UTS2B: variants seen among roughly 807,000 people sequenced by gnomAD.
UTS2B encodes urotensin-2B.
A neutral mutation model predicts 19.2 loss-of-function variants in UTS2B; 21 were observed. The ratio of observed to expected loss-of-function variants is 1.09; its 90% CI spans 0.78 to 1.58. The LOEUF (loss-of-function observed/expected upper bound fraction) is 1.58. Ranked by LOEUF, UTS2B falls within the 40% of genes most tolerant of loss-of-function variation. The pLI is 0.00. For missense variants in UTS2B, 138 were observed against 130.3 expected, an observed-to-expected ratio of 1.06 and a Z score of -0.29; for synonymous variants, 57 against 50.2, an observed-to-expected ratio of 1.14 and a Z score of -0.58.
chr3:191,283,455 T>C (rs1716443068), intron 4 of UTS2B, among the ~76,000 whole-genome samples: 1 of 150,898 alleles, frequency 6.6e-6, no homozygotes, highest in African/African-American at 2.5e-5. Context: ...TTTTCTCCTT[T>C]GGACTGCCAC....
intron 2 of UTS2B, 88 bp from the exon 3 acceptor site, chr3:191,316,527 C>T (rs1199869033): frequency 6.6e-6 from 1 of 151,456 alleles, no homozygotes; most frequent in Non-Finnish European, 1.5e-5. Flanking sequence ...GCTTTTATTC[C>T]CTTATCTGAC....
chr3:191,319,197 TATC>T (rs1717546184), intron 2 of UTS2B, among the ~76,000 whole-genome samples: 1 of 152,236 alleles, frequency 6.6e-6, no homozygotes, highest in Admixed American at 6.5e-5. Flanking sequence ...TGCAAACTGC[TATC>T]ATCCTACTCT....
chr3:191,304,929 G>C (rs1276015856), intron 3 of UTS2B, among the ~76,000 whole-genome samples: 1 of 151,922 alleles, frequency 6.6e-6, no homozygotes, highest in Non-Finnish European at 1.5e-5. Flanking sequence ...ACCATATTTG[G>C]TTTTCCTATG....
the UTS2B span, among the ~76,000 whole-genome samples, chr3:191,338,425 C>G: frequency 6.6e-6 from 1 of 152,158 alleles, no homozygotes; most frequent in East Asian, 1.9e-4. Flanking sequence ...CCACGTTCTT[C>G]CCATCTGTAC....
chr3:191,302,992 C>T (rs1560141853), intron 4 of UTS2B, among the ~76,000 whole-genome samples: 1 of 152,082 alleles, frequency 6.6e-6, no homozygotes, highest in African/African-American at 2.4e-5. Flanking sequence ...CATCAAATAG[C>T]GAAGATTAAC....
chr3:191,343,632 A>G, the UTS2B span, among the ~76,000 whole-genome samples: 1 of 152,248 alleles, frequency 6.6e-6, no homozygotes, highest in African/African-American at 2.4e-5. Context: ...TAAAGCAACC[A>G]TGTAAAATGC....
intron 4 of UTS2B, among the ~76,000 whole-genome samples, chr3:191,292,431 A>G (rs1181837561): frequency 6.6e-6 from 1 of 152,172 alleles, no homozygotes. Context: ...AAATTGTCCT[A>G]TAATTGATTT....
At position 191,282,077 on chromosome 3, in the gene UTS2B, A is replaced by C. The variant is rs759573900; in HGVS notation, c.103+10T>G. The C allele has an allele frequency of 1.0e-5, 16 of 1,577,402 alleles. No homozygotes were observed. The South Asian group carries it at 1.8e-4, about 18-fold the overall frequency. ...CCCACCTGTAGGATTTTTAATTGAT[A>C]TGCACGTACCTTGGGTAAGATATGG... On this transcript the variant is annotated intron_variant, in intron 5 of 8. Coordinates refer to ENST00000340524, the MANE Select transcript of UTS2B (RefSeq NM_198152.5).
At chr3:191,322,710 G>A (rs974589361) in intron 2 of UTS2B, among the ~76,000 whole-genome samples, 1 of 152,220 alleles carries the variant, frequency 6.6e-6, no homozygotes, top group Non-Finnish European at 1.5e-5. Context: ...ATGCAGTAGA[G>A]AGAGAAAATT....
chr3:191,304,294 T>C (rs1246728622), intron 4 of UTS2B, among the ~76,000 whole-genome samples, 198 bp downstream of exon 4: 2 of 152,310 alleles, frequency 1.3e-5, no homozygotes, highest in East Asian at 1.9e-4. Context: ...GAAGCAAACT[T>C]CATCTAGTGA....
chr3:191,312,021 G>A (rs2006680), intron 3 of UTS2B, among the ~76,000 whole-genome samples: 7,391 of 151,870 alleles, frequency 0.049, 591 homozygotes, highest in African/African-American at 0.17. Flanking sequence ...GTGTGGTGGC[G>A]TGCACCTGTA....
the UTS2B span, among the ~76,000 whole-genome samples, chr3:191,338,065 A>G: frequency 6.6e-6 from 1 of 152,136 alleles, no homozygotes; most frequent in Non-Finnish European, 1.5e-5. Flanking sequence ...AATGAGTCAT[A>G]AAGGCTTAGT....
chr3:191,268,843 A>G (rs1716012587), intron 8 of UTS2B, among the ~76,000 whole-genome samples: 1 of 152,242 alleles, frequency 6.6e-6, no homozygotes, highest in Non-Finnish European at 1.5e-5. Context: ...TATACCAAAA[A>G]GAAAGTCACA....
At chr3:191,269,979 T>C (rs1430374071) in intron 8 of UTS2B, among the ~76,000 whole-genome samples, 1 of 152,254 alleles carries the variant, frequency 6.6e-6, no homozygotes. Context: ...AATGGCTGTC[T>C]TGTTAACTCT....
chr3:191,290,128 G>A lies in UTS2B; in HGVS notation c.-124-7815C>T, dbSNP rs114680093. ...ATAGACAAAGAAGTCCCTGTTTCAT[G>A]ACCATTTCCATCCACTTTGGGGAAA... On this transcript the variant is annotated intron_variant, in intron 4 of 8. Transcript: ENST00000340524. Among the ~76,000 whole-genome samples the A allele has an allele frequency of 3.0e-3, 455 of 152,222 alleles. 6 individuals carry two copies. Among genetic ancestry groups the A allele is most frequent in the African/African-American group, 9.5e-3 (394 of 41,548 alleles).
At chr3:191,293,666 T>C (rs1190048095) in intron 4 of UTS2B, among the ~76,000 whole-genome samples, 1 of 152,016 alleles carries the variant, frequency 6.6e-6, no homozygotes, top group East Asian at 1.9e-4. Flanking sequence ...TATACAGACA[T>C]TTCATCCAGA....
At chr3:191,280,831 A>C (rs79722097) in intron 5 of UTS2B, among the ~76,000 whole-genome samples, 1 of 152,136 alleles carries the variant, frequency 6.6e-6, no homozygotes, top group Non-Finnish European at 1.5e-5. Context: ...ACATTACGTT[A>C]GAAACATTGG....
intron 7 of UTS2B, 84 bp downstream of exon 7, chr3:191,276,723 T>TTTA: frequency 8.4e-7 from 1 of 1,190,534 alleles, no homozygotes; most frequent in Non-Finnish European, 1.2e-6. Flanking sequence ...GTATTAATAA[T>TTTA]TTATTTTAAA....
At chr3:191,296,279 A>G (rs897336706) in intron 4 of UTS2B, among the ~76,000 whole-genome samples, 2 of 152,034 alleles carry the variant, frequency 1.3e-5, no homozygotes, top group Non-Finnish European at 2.9e-5. Flanking sequence ...ACACACATAC[A>G]CACACATACA....
Sources: allele counts gnomAD v4.1 joint callset (sites outside exome capture counted in the v4.1 genomes callset), GRCh38; gene constraint gnomAD v4.1.1; transcripts MANE v1.5; gene names NCBI Gene and HGNC (gene_info 2026-07-23, HGNC 2026-07-21).